Variants in GRXCR1 observed in about 807,000 individuals in gnomAD.
GRXCR1 encodes glutaredoxin domain-containing cysteine-rich protein 1.
In GRXCR1, 27 loss-of-function variants were observed where a neutral mutation model predicts 27.3. That is an observed-to-expected ratio of 0.99 (90% CI 0.73 to 1.37). The LOEUF (loss-of-function observed/expected upper bound fraction) is 1.37. GRXCR1 is among the 40% of genes most tolerant of loss of function. GRXCR1 has a pLI of 0.00. For missense variants in GRXCR1, 379 were observed against 354.4 expected (o/e 1.07, Z -0.56); for synonymous variants, 122 against 131.1 (o/e 0.93, Z 0.47).
chr4:43,017,480 G>A (rs1712964427), intron 2 of GRXCR1, among the ~76,000 whole-genome samples: 1 of 152,140 alleles, frequency 6.6e-6, no homozygotes, highest in African/African-American at 2.4e-5. Context: ...TTAAAAAACT[G>A]AGATAGTTCC....
chr4:42,917,408 C>T (rs754937751), intron 1 of GRXCR1, among the ~76,000 whole-genome samples: 9 of 152,136 alleles, frequency 5.9e-5, no homozygotes, highest in Non-Finnish European at 1.0e-4. Flanking sequence ...CAGACTGCTC[C>T]TGCAGAGTAA....
At chr4:42,926,737 G>T (rs1313627269) in intron 1 of GRXCR1, among the ~76,000 whole-genome samples, 2 of 151,976 alleles carry the variant, frequency 1.3e-5, no homozygotes, top group South Asian at 2.1e-4. Context: ...TAAACTTGTG[G>T]CTGAAGATGT....
intron 2 of GRXCR1, among the ~76,000 whole-genome samples, chr4:42,986,876 C>T (rs553662140): frequency 6.6e-6 from 1 of 151,974 alleles, no homozygotes; most frequent in African/African-American, 2.4e-5. Flanking sequence ...TCCCCCTAAG[C>T]CTGGAAAGAA....
At chr4:42,932,521 C>T (rs1027975545) in intron 1 of GRXCR1, among the ~76,000 whole-genome samples, 1 of 142,330 alleles carries the variant, frequency 7.0e-6, no homozygotes, top group African/African-American at 2.6e-5. Flanking sequence ...TTCATCAGCT[C>T]CAAGAGAAAT....
intron 2 of GRXCR1, among the ~76,000 whole-genome samples, chr4:43,001,101 ATT>A (rs112275383): frequency 6.7e-5 from 9 of 133,796 alleles, no homozygotes; most frequent in Non-Finnish European, 8.1e-5. Context: ...TAATTTTTGT[ATT>A]TTTTTTTTTT....
chr4:43,002,360 A>G (rs940809497), intron 2 of GRXCR1, among the ~76,000 whole-genome samples: 2 of 152,252 alleles, frequency 1.3e-5, no homozygotes, highest in Admixed American at 6.5e-5. Context: ...CCCCTGGTTT[A>G]TTGAGACTAG....
At chr4:43,022,599 T>G (rs1713130825) in intron 3 of GRXCR1, among the ~76,000 whole-genome samples, 2 of 152,158 alleles carry the variant, frequency 1.3e-5, no homozygotes, top group Admixed American at 1.3e-4. Context: ...TTCGGCTGCT[T>G]TGGGATATAG....
intron 1 of GRXCR1, among the ~76,000 whole-genome samples, chr4:42,934,422 G>GTT (rs1448441466): frequency 1.3e-5 from 2 of 151,602 alleles, no homozygotes; most frequent in Non-Finnish European, 2.9e-5. Flanking sequence ...CACTCACAGA[G>GTT]TTTCTCTCTC....
intron 2 of GRXCR1, among the ~76,000 whole-genome samples, chr4:43,015,312 ATATT>A (rs1560688908): frequency 6.6e-6 from 1 of 152,138 alleles, no homozygotes; most frequent in East Asian, 1.9e-4. Flanking sequence ...GTAAACAATA[ATATT>A]TATTTATCTT....
Position 43,029,023 on chromosome 4 carries a change from A to G in GRXCR1, c.694-1338A>G, listed in dbSNP as rs79917188. 1.2e-3 allele frequency among the ~76,000 whole-genome samples: 183 copies of G among 152,342 alleles called. 3 individuals carry two copies. In the East Asian group the frequency reaches 0.029, roughly 25 times the overall value. ...TAATTGCAAGTGAATCCTGCTATATACAGAAAATGCCCATTTATATTGTCT... is the reference window on the plus strand; with the variant it reads ...TAATTGCAAGTGAATCCTGCTATATGCAGAAAATGCCCATTTATATTGTCT... On this transcript the variant is annotated intron_variant, in intron 3 of 3. Coordinates refer to ENST00000399770, the MANE Select transcript of GRXCR1 (RefSeq NM_001080476.3).
chr4:42,987,222 T>TTATATTATATA (rs1553943895), intron 2 of GRXCR1, among the ~76,000 whole-genome samples: 1 of 100,594 alleles, frequency 9.9e-6, no homozygotes, highest in Non-Finnish European at 1.9e-5. Flanking sequence ...TATATATATA[T>TTATATTATATA]TATATATTAT....
intron 1 of GRXCR1, among the ~76,000 whole-genome samples, chr4:42,960,587 A>C (rs1370648609): frequency 3.9e-5 from 6 of 151,906 alleles, no homozygotes; most frequent in African/African-American, 1.4e-4. Flanking sequence ...TGTGAAGTGC[A>C]ATATTTTTCT....
intron 2 of GRXCR1, among the ~76,000 whole-genome samples, chr4:43,000,308 T>C (rs1001150922): frequency 3.3e-5 from 5 of 151,866 alleles, no homozygotes; most frequent in African/African-American, 4.8e-5. Flanking sequence ...TGAAACTGTC[T>C]CTAGTAACAA....
intron 1 of GRXCR1, among the ~76,000 whole-genome samples, chr4:42,959,710 G>A (rs543543460): frequency 6.6e-6 from 1 of 151,966 alleles, no homozygotes; most frequent in Non-Finnish European, 1.5e-5. Flanking sequence ...TTTTTAAAAT[G>A]TAGATTCTGA....
intron 2 of GRXCR1, among the ~76,000 whole-genome samples, chr4:43,007,155 G>A (rs977974561): frequency 2.6e-5 from 4 of 152,220 alleles, no homozygotes; most frequent in African/African-American, 9.6e-5. Context: ...GATCAGAGAA[G>A]ATTTACTTGA....
chr4:42,993,095 C>A (rs942134438), intron 2 of GRXCR1, among the ~76,000 whole-genome samples: 1 of 152,096 alleles, frequency 6.6e-6, no homozygotes, highest in African/African-American at 2.4e-5. Context: ...CTCGTTCTCC[C>A]TCTGTTCCTT....
chr4:42,998,967 G>C (rs1322957384), intron 2 of GRXCR1, among the ~76,000 whole-genome samples: 1 of 152,122 alleles, frequency 6.6e-6, no homozygotes, highest in Non-Finnish European at 1.5e-5. Context: ...ATCCTTCTTG[G>C]CTGTCAAAAA....
chr4:43,005,426 C>A (rs1375909017), intron 2 of GRXCR1, among the ~76,000 whole-genome samples: 1 of 152,154 alleles, frequency 6.6e-6, no homozygotes, highest in East Asian at 1.9e-4. Flanking sequence ...TATTATAGCA[C>A]AATCTTCAGC....
intron 1 of GRXCR1, among the ~76,000 whole-genome samples, chr4:42,906,513 A>G (rs550485190): frequency 4.9e-4 from 74 of 152,256 alleles, no homozygotes; most frequent in Non-Finnish European, 4.0e-4. Flanking sequence ...GGGGCTCCAC[A>G]GTTAGTGAGC....
Sources: allele counts gnomAD v4.1 joint callset (sites outside exome capture counted in the v4.1 genomes callset), GRCh38; gene constraint gnomAD v4.1.1; transcripts MANE v1.5; gene names NCBI Gene and HGNC (gene_info 2026-07-23, HGNC 2026-07-21).